The following ZNF277 variants were observed in gnomAD, a reference collection of about 807,000 sequenced individuals.
ZNF277 encodes zinc finger protein 277.
In ZNF277, 55 loss-of-function variants were observed where a neutral mutation model predicts 60.7. That is an observed-to-expected ratio of 0.91 (90% CI 0.73 to 1.13). The LOEUF (loss-of-function observed/expected upper bound fraction) is 1.13, where lower values mean the gene tolerates loss of function less well. Ranked by LOEUF, ZNF277 falls within the 50% of genes most tolerant of loss-of-function variation. The pLI is 0.00. For synonymous variants in ZNF277, 178 were observed against 179.3 expected, an observed-to-expected ratio of 0.99 and a Z score of 0.06; for missense variants, 510 against 523.0, an observed-to-expected ratio of 0.98 and a Z score of 0.24.
At chr7:112,265,941 C>T (rs559898621) in intron 1 of ZNF277, among the ~76,000 whole-genome samples, 2 of 152,108 alleles carry the variant, frequency 1.3e-5, no homozygotes, top group African/African-American at 4.8e-5. Context: ...GTAAAAGACC[C>T]AGTAGTGGGT....
chr7:112,289,721 A>T (rs1476436685), intron 2 of ZNF277, among the ~76,000 whole-genome samples: 2 of 152,128 alleles, frequency 1.3e-5, no homozygotes, highest in African/African-American at 4.8e-5. Context: ...GGCTTCTATT[A>T]GTCAGCTTTT....
chr7:112,217,749 T>C (rs1445192080), intron 1 of ZNF277, among the ~76,000 whole-genome samples: 1 of 152,244 alleles, frequency 6.6e-6, no homozygotes, highest in Non-Finnish European at 1.5e-5. Flanking sequence ...TTAGTAGTCA[T>C]GCAGCTAGAG....
chr7:112,343,440 A>AT lies in ZNF277; in HGVS notation c.*713dup, dbSNP rs1437728219. ...AATACCATTATGACACCTAAAAAAC[A>AT]TTAACATTAACTTAATATCATCTGT... On this transcript the variant is annotated 3_prime_UTR_variant, in exon 12 of 12. Coordinates refer to ENST00000361822, the MANE Select transcript of ZNF277 (RefSeq NM_021994.3). Among the ~76,000 whole-genome samples the AT allele has an allele frequency of 6.6e-6, 1 of 152,198 alleles. No homozygotes were observed. The highest frequency in any genetic ancestry group is 2.4e-5 in the African/African-American group (1 of 41,444).
intron 4 of ZNF277, among the ~76,000 whole-genome samples, chr7:112,314,429 T>A (rs1355616446): frequency 6.6e-6 from 1 of 152,078 alleles, no homozygotes; most frequent in Non-Finnish European, 1.5e-5. Flanking sequence ...CTAAATAGTG[T>A]CATATGTTCT....
intron 1 of ZNF277, among the ~76,000 whole-genome samples, chr7:112,273,350 CAA>C (rs1295019563): frequency 6.6e-6 from 1 of 152,154 alleles, no homozygotes; most frequent in Non-Finnish European, 1.5e-5. Context: ...AGTTCCAATG[CAA>C]AGTCGCACAA....
At chr7:112,276,857 T>A (rs1292865793) in intron 1 of ZNF277, among the ~76,000 whole-genome samples, 1 of 152,132 alleles carries the variant, frequency 6.6e-6, no homozygotes, top group African/African-American at 2.4e-5. Flanking sequence ...TATGGCCTGT[T>A]CTGTCTTCAG....
intron 1 of ZNF277, among the ~76,000 whole-genome samples, chr7:112,223,184 C>G (rs1044764176): frequency 2.0e-5 from 3 of 152,176 alleles, no homozygotes; most frequent in African/African-American, 7.2e-5. Flanking sequence ...CCCAGCTGAT[C>G]CCTGGCTAGG....
At position 112,337,669 on chromosome 7, in the gene ZNF277, G is replaced by A; in HGVS notation, c.870-61G>A. ...AAGGAGAAAGCAATACCAAGTCACT[G>A]TGTAGTATACTCTCTTAATGAAGGG... On this transcript the variant is annotated intron_variant, in intron 8 of 11. Transcript: ENST00000361822. 3.5e-6 allele frequency: 5 copies of A among 1,436,848 alleles called. No homozygotes were observed. The Admixed American group carries it at 5.3e-5, about 15-fold the overall frequency. The allele number at this position is 1,436,848 out of a possible 1,614,324, so 89.0% of individuals were successfully genotyped here. A position where few individuals can be genotyped will look rare whatever the true frequency, so the allele number is the denominator to read the frequency against.
chr7:112,256,793 A>G (rs1048929530), intron 1 of ZNF277, among the ~76,000 whole-genome samples: 1 of 152,116 alleles, frequency 6.6e-6, no homozygotes, highest in Non-Finnish European at 1.5e-5. Context: ...GTTTTTGTGC[A>G]TGCTTGAGAG....
intron 1 of ZNF277, among the ~76,000 whole-genome samples, chr7:112,282,443 C>T (rs1791967951): frequency 6.6e-6 from 1 of 152,234 alleles, no homozygotes; most frequent in African/African-American, 2.4e-5. Flanking sequence ...ATAAAACAAA[C>T]AAAACCTGCT....
At chr7:112,317,624 T>C (rs1304163349) in intron 4 of ZNF277, among the ~76,000 whole-genome samples, 4 of 152,254 alleles carry the variant, frequency 2.6e-5, no homozygotes, top group Admixed American at 1.3e-4. Flanking sequence ...AAGTTAATTA[T>C]GCATGAAAAT....
intron 1 of ZNF277, among the ~76,000 whole-genome samples, chr7:112,209,818 C>A (rs144506354): frequency 1.3e-3 from 191 of 152,168 alleles, no homozygotes; most frequent in African/African-American, 4.5e-3. Flanking sequence ...AAATCATACA[C>A]CTTTTTGGAT....
chr7:112,248,305 G>T (rs911461977), intron 1 of ZNF277, among the ~76,000 whole-genome samples: 1 of 150,110 alleles, frequency 6.7e-6, no homozygotes, highest in Non-Finnish European at 1.5e-5. Context: ...TGAATAGGGG[G>T]TGGGGGTTGA....
chr7:112,311,382 T>C (rs13437769), intron 4 of ZNF277, among the ~76,000 whole-genome samples: 8,993 of 152,184 alleles, frequency 0.059, 721 homozygotes, highest in African/African-American at 0.18. Context: ...TTTATCTAAG[T>C]GTATTTGTAA....
intron 1 of ZNF277, among the ~76,000 whole-genome samples, chr7:112,245,820 T>C (rs1016289546): frequency 6.6e-6 from 1 of 152,208 alleles, no homozygotes; most frequent in Non-Finnish European, 1.5e-5. Context: ...TGTAGAGACC[T>C]TGTTTCCAAA....
intron 1 of ZNF277, among the ~76,000 whole-genome samples, chr7:112,266,641 C>T (rs967810268): frequency 8.5e-5 from 13 of 152,156 alleles, no homozygotes; most frequent in Middle Eastern, 3.4e-3. Flanking sequence ...CATATCGTAA[C>T]AACCAAACTG....
chr7:112,279,506 G>A (rs1791893426), intron 1 of ZNF277, among the ~76,000 whole-genome samples: 1 of 152,114 alleles, frequency 6.6e-6, no homozygotes, highest in South Asian at 2.1e-4. Context: ...GAAGAAATGT[G>A]TATTCCAGTC....
intron 1 of ZNF277, among the ~76,000 whole-genome samples, chr7:112,240,594 G>A (rs2116992596): frequency 6.6e-6 from 1 of 152,166 alleles, no homozygotes; most frequent in Non-Finnish European, 1.5e-5. Context: ...AAATGCTACT[G>A]AGCTATGATA....
chr7:112,213,548 G>C (rs1248406342), intron 1 of ZNF277, among the ~76,000 whole-genome samples: 3 of 152,130 alleles, frequency 2.0e-5, no homozygotes, highest in Non-Finnish European at 4.4e-5. Flanking sequence ...TGTTTCAAAT[G>C]CTTTTATAGG....
Sources: gnomAD v4.1 joint callset for allele counts (sites outside exome capture counted in the v4.1 genomes callset) on GRCh38, gnomAD v4.1.1 for gene constraint, MANE v1.5 for transcripts, NCBI Gene and HGNC (gene_info 2026-07-23, HGNC 2026-07-21) for gene names.